ABI3BP: variants seen among roughly 807,000 people sequenced by gnomAD.
ABI3BP encodes the protein ABI family member 3 binding protein.
Under a neutral mutation model 268.6 loss-of-function variants are expected in ABI3BP, and 216 were observed. The ratio of observed to expected loss-of-function variants is 0.80; its 90% CI spans 0.72 to 0.90. ABI3BP has a LOEUF of 0.90. Among genes scored for constraint, ABI3BP ranks in the 40% least tolerant of loss-of-function variants. The pLI, the probability that ABI3BP is intolerant of heterozygous loss-of-function variation, is 0.00. For missense variants in ABI3BP, 2,090 were observed against 2,182.4 expected, an observed-to-expected ratio of 0.96 and a Z score of 0.84; for synonymous variants, 730 against 730.0, an observed-to-expected ratio of 1.00 and a Z score of 0.00.
intron 44 of ABI3BP, 94 bp from the exon 45 acceptor site, chr3:100,813,829 C>T (rs1157535682): frequency 7.4e-6 from 8 of 1,074,972 alleles, no homozygotes; most frequent in African/African-American, 1.6e-5. Flanking sequence ...ATACACAGAC[C>T]CTGAAAATCA....
At chr3:100,765,317 T>C (rs978306849) in intron 63 of ABI3BP, among the ~76,000 whole-genome samples, 19 of 152,208 alleles carry the variant, frequency 1.2e-4, no homozygotes, top group African/African-American at 4.6e-4. Context: ...GTTAAAGATA[T>C]GTAACTCTTG....
At chr3:100,970,709 C>A (rs1316705745) in intron 1 of ABI3BP, among the ~76,000 whole-genome samples, 1 of 152,166 alleles carries the variant, frequency 6.6e-6, no homozygotes, top group East Asian at 1.9e-4. Context: ...AGGGTAGTTC[C>A]ACCAGGAGAG....
At chr3:100,891,569 A>G (rs2044671004) in intron 4 of ABI3BP, among the ~76,000 whole-genome samples, 1 of 152,202 alleles carries the variant, frequency 6.6e-6, no homozygotes, top group African/African-American at 2.4e-5. Context: ...CTAAGATGAT[A>G]ATAGAGCAGA....
In ABI3BP at chr3:100,902,398, C is replaced by T. The variant is rs148349660; in HGVS notation, c.328+220G>A. Among the ~76,000 whole-genome samples, 638 of 152,208 alleles carry T rather than the reference C, an allele frequency of 4.2e-3. 1 individual carries two copies. The highest frequency in any genetic ancestry group is 0.015 in the African/African-American group (607 of 41,526). On this transcript the variant is annotated intron_variant, in intron 3 of 67. Coordinates refer to ENST00000471714, the MANE Select transcript of ABI3BP (RefSeq NM_001375547.2). ...AGAGGTTCAATAACTTATGTAATTC[C>T]CTGCAGTTTGCAAGTGGTGGCACCA... is the stretch of plus-strand genomic sequence containing the variant.
At chr3:100,920,527 A>C (rs1292654503) in intron 2 of ABI3BP, among the ~76,000 whole-genome samples, 1 of 151,964 alleles carries the variant, frequency 6.6e-6, no homozygotes, top group Non-Finnish European at 1.5e-5. Context: ...AGGTTCAAGC[A>C]ATTCTCTGCC....
intron 50 of ABI3BP, 86 bp downstream of exon 50, chr3:100,808,075 G>T: frequency 8.7e-7 from 1 of 1,144,334 alleles, no homozygotes; most frequent in Non-Finnish European, 1.3e-6. Flanking sequence ...GACTCAATCT[G>T]CTATCATAAC....
At chr3:100,884,093 A>G (rs550184050) in intron 6 of ABI3BP, among the ~76,000 whole-genome samples, 74 of 152,236 alleles carry the variant, frequency 4.9e-4, no homozygotes, top group Non-Finnish European at 9.1e-4. Flanking sequence ...TTAGAAAACA[A>G]AAGATGTTCT....
chr3:100,987,131 G>C (rs1259033734), intron 1 of ABI3BP, among the ~76,000 whole-genome samples: 1 of 151,930 alleles, frequency 6.6e-6, no homozygotes, highest in Non-Finnish European at 1.5e-5. Flanking sequence ...ATATTGTCTT[G>C]TTTATACCTA....
chr3:100,774,636 T>C lies in ABI3BP; in HGVS notation c.4500A>G (p.Glu1500=). The C allele has an allele frequency of 6.3e-7, 1 of 1,587,588 alleles. No homozygotes were observed. Among genetic ancestry groups the C allele is most frequent in the Non-Finnish European group, 8.6e-7 (1 of 1,166,068 alleles). The stretch of plus-strand genomic sequence containing the variant: ...ATCTTGGCTTCCCAAGAGGATCAGT[T>C]TCTCTTGTTGGGCTTGAGCTAAAGT... The part of the protein sequence containing the change: ...ITDFSSSPTR[E]TDPLGKPRFK... The change falls in exon 61 of 68, where the codon GAA becomes GAG. Residue 1500 remains glutamate (E), a synonymous_variant. Transcript: ENST00000471714.
Position 100,838,455 on chromosome 3 carries a change from G to C in ABI3BP, c.1955C>G (p.Pro652Arg). The C allele has an allele frequency of 6.5e-7, 1 of 1,535,570 alleles. No individual in the cohort carries two copies. The highest frequency in any genetic ancestry group is 8.7e-7 in the Non-Finnish European group (1 of 1,146,578). Residue 652 changes from proline to arginine, a missense_variant, in exon 25 of 68, where the codon CCA becomes CGA. Pro to Arg is a moderately radical substitution (Grantham distance 103). Transcript: ENST00000471714. ...GTGTGTGGTTTTAGGTCTCTCAGAT[G>C]GTTTTGAGGCTAAAGAAAAAGGTAT... ...EPLVPTTASK[P>R]SERPKTTHRP... is the part of the protein sequence containing the mutation.
chr3:100,818,266 G>A (rs969235328), intron 41 of ABI3BP, among the ~76,000 whole-genome samples: 2 of 152,208 alleles, frequency 1.3e-5, no homozygotes, highest in Admixed American at 6.5e-5. Context: ...AATGGTCAAT[G>A]CTCTTTAAAC....
intron 1 of ABI3BP, among the ~76,000 whole-genome samples, chr3:100,969,968 C>A (rs2082863529): frequency 6.6e-6 from 1 of 152,158 alleles, no homozygotes; most frequent in Non-Finnish European, 1.5e-5. Flanking sequence ...TTACAAATTT[C>A]ATGTTACATA....
rs147969339 is a variant in ABI3BP, at chr3:100,809,282, T to G, written c.3608-1047A>C. On this transcript the variant is annotated intron_variant, in intron 49 of 67. Coordinates refer to ENST00000471714, the MANE Select transcript of ABI3BP (RefSeq NM_001375547.2). ...CAATTTTAAAGAACCCTTCCAATCT[T>G]AAAATTCTGTCATTCCAGCATTTCT... Among the ~76,000 whole-genome samples, 75 of 152,130 alleles carry G rather than the reference T, an allele frequency of 4.9e-4. 1 individual carries two copies. The highest frequency in any genetic ancestry group is 1.7e-3 in the African/African-American group (70 of 41,542).
intron 29 of ABI3BP, among the ~76,000 whole-genome samples, chr3:100,833,727 G>A (rs1158534264): frequency 6.6e-6 from 1 of 152,162 alleles, no homozygotes; most frequent in Non-Finnish European, 1.5e-5. Flanking sequence ...GAAAAGGCCT[G>A]ACCTCTAGGT....
chr3:100,956,213 CAA>C, intron 1 of ABI3BP, among the ~76,000 whole-genome samples: 1 of 78,318 alleles, frequency 1.3e-5, no homozygotes, highest in Non-Finnish European at 2.4e-5. Context: ...AAAAGAAAAA[CAA>C]CACACACACA....
intron 1 of ABI3BP, among the ~76,000 whole-genome samples, chr3:100,982,591 T>A (rs759641476): frequency 5.5e-4 from 83 of 151,954 alleles, no homozygotes; most frequent in Non-Finnish European, 9.4e-4. Flanking sequence ...CTTTACCCAC[T>A]AACCCATGGT....
At chr3:100,931,482 A>G (rs1319922137) in intron 1 of ABI3BP, among the ~76,000 whole-genome samples, 1 of 152,140 alleles carries the variant, frequency 6.6e-6, no homozygotes, top group Non-Finnish European at 1.5e-5. Context: ...AGGCTACTAG[A>G]AATGATAAAC....
At chr3:100,836,168 T>C (rs1209547346) in intron 27 of ABI3BP, among the ~76,000 whole-genome samples, 1 of 152,178 alleles carries the variant, frequency 6.6e-6, no homozygotes, top group Non-Finnish European at 1.5e-5. Context: ...GCCTCCTTAT[T>C]CATTTATTTC....
intron 1 of ABI3BP, among the ~76,000 whole-genome samples, chr3:100,980,633 T>C (rs1305579445): frequency 6.6e-6 from 1 of 152,142 alleles, no homozygotes; most frequent in African/African-American, 2.4e-5. Flanking sequence ...AGAGGAAAAT[T>C]TGGAAGTCAT....
Sources: allele counts gnomAD v4.1 joint callset (sites outside exome capture counted in the v4.1 genomes callset), GRCh38; gene constraint gnomAD v4.1.1; transcripts MANE v1.5; gene names NCBI Gene and HGNC (gene_info 2026-07-23, HGNC 2026-07-21).